Variants in TBC1D1 observed in about 807,000 individuals in gnomAD.
TBC1D1 encodes TBC1 domain family member 1.
Under a neutral mutation model 125.6 loss-of-function variants are expected in TBC1D1, and 89 were observed. The observed-to-expected ratio is 0.71, with a 90% CI of 0.60 to 0.85. The LOEUF is 0.85. Among genes scored for constraint, TBC1D1 ranks in the 40% least tolerant of loss-of-function variants. The pLI, the probability that TBC1D1 is intolerant of heterozygous loss-of-function variation, is 0.00. For synonymous variants in TBC1D1, 565 were observed against 564.1 expected, an observed-to-expected ratio of 1.00 and a Z score of -0.02; for missense variants, 1,377 against 1,469.2, an observed-to-expected ratio of 0.94 and a Z score of 1.03.
intron 2 of TBC1D1, among the ~76,000 whole-genome samples, chr4:37,983,202 A>C (rs1578147190): frequency 8.1e-6 from 1 of 123,184 alleles, no homozygotes; most frequent in African/African-American, 3.2e-5. Context: ...GGCTCCCTCC[A>C]CCTCCCAGGT....
intron 13 of TBC1D1, among the ~76,000 whole-genome samples, chr4:38,093,281 G>A (rs1758732993): frequency 6.6e-6 from 1 of 152,098 alleles, no homozygotes; most frequent in Non-Finnish European, 1.5e-5. Context: ...TTATGGTTAA[G>A]CCTGTTTCCT....
chr4:37,945,314 G>A (rs1482354322), intron 2 of TBC1D1, among the ~76,000 whole-genome samples: 1 of 151,632 alleles, frequency 6.6e-6, no homozygotes, highest in Non-Finnish European at 1.5e-5. Flanking sequence ...AGGAGTTTGA[G>A]ACCAGCCTGG....
At chr4:37,964,931 A>G (rs1023302368) in intron 2 of TBC1D1, among the ~76,000 whole-genome samples, 5 of 152,250 alleles carry the variant, frequency 3.3e-5, no homozygotes, top group Non-Finnish European at 7.3e-5. Flanking sequence ...GTGTCTGTCT[A>G]GAGAACCTCT....
intron 2 of TBC1D1, among the ~76,000 whole-genome samples, chr4:37,927,706 C>T (rs766403825): frequency 1.2e-4 from 19 of 152,108 alleles, no homozygotes; most frequent in Non-Finnish European, 2.2e-4. Flanking sequence ...AAGTACAAAT[C>T]CTTATGCTTT....
At chr4:38,050,707 G>A (rs897467916) in intron 11 of TBC1D1, among the ~76,000 whole-genome samples, 7 of 152,316 alleles carry the variant, frequency 4.6e-5, no homozygotes, top group East Asian at 1.9e-4. Flanking sequence ...ACCAGCAGCC[G>A]CAGAAGTCCC....
chr4:38,080,214 G>A (rs1756315029), intron 12 of TBC1D1, among the ~76,000 whole-genome samples: 1 of 152,236 alleles, frequency 6.6e-6, no homozygotes, highest in African/African-American at 2.4e-5. Context: ...CCCACAGTGA[G>A]GTCCAAGCTG....
Position 38,035,579 on chromosome 4 carries a change from G to A in TBC1D1, c.1303-9G>A. The A allele has an allele frequency of 6.2e-7, 1 of 1,605,948 alleles. No individual in the cohort carries two copies. Among genetic ancestry groups the A allele is most frequent in the South Asian group, 1.1e-5 (1 of 89,946 alleles). Reference sequence around the variant, plus strand: ...AAAATAAATCCTGTTTCTGATTTTTGTTTTAAAGAAATTGAGACCGAGAAA... The same window carrying A: ...AAAATAAATCCTGTTTCTGATTTTTATTTTAAAGAAATTGAGACCGAGAAA... On this transcript the variant is annotated splice_polypyrimidine_tract_variant and intron_variant, in intron 7 of 19. Transcript: ENST00000261439.
At chr4:38,051,788 A>G in intron 11 of TBC1D1, 111 bp from the exon 12 acceptor site, 3 of 1,022,286 alleles carry the variant, frequency 2.9e-6, no homozygotes, top group Non-Finnish European at 4.3e-6. Context: ...TGATAGTGTT[A>G]CTGGAACAAC....
chr4:38,130,218 T>C (rs1013614874), intron 18 of TBC1D1, among the ~76,000 whole-genome samples: 7 of 152,196 alleles, frequency 4.6e-5, no homozygotes, highest in African/African-American at 1.7e-4. Flanking sequence ...TTTGATACAA[T>C]GTTAAGTAAA....
intron 2 of TBC1D1, among the ~76,000 whole-genome samples, chr4:37,951,181 A>C: frequency 6.6e-6 from 1 of 152,218 alleles, no homozygotes; most frequent in East Asian, 1.9e-4. Flanking sequence ...TGTTCAAAAA[A>C]CACAAAGAAT....
chr4:38,000,959 G>T (rs1374023303), intron 2 of TBC1D1, among the ~76,000 whole-genome samples: 3 of 152,104 alleles, frequency 2.0e-5, no homozygotes, highest in Non-Finnish European at 4.4e-5. Context: ...GGTGGCTCAC[G>T]CCTGTAATCC....
intron 2 of TBC1D1, among the ~76,000 whole-genome samples, chr4:37,963,861 T>A (rs1730538576): frequency 6.6e-6 from 1 of 152,242 alleles, no homozygotes; most frequent in Non-Finnish European, 1.5e-5. Flanking sequence ...ATGATATCCC[T>A]GCTCTTTTTC....
intron 2 of TBC1D1, among the ~76,000 whole-genome samples, chr4:37,949,505 G>A (rs924155289): frequency 7.9e-5 from 12 of 152,184 alleles, no homozygotes; most frequent in African/African-American, 2.4e-4. Flanking sequence ...CCACAGGTGC[G>A]TACTGGCAGC....
chr4:38,004,111 T>C (rs771336519), intron 2 of TBC1D1, among the ~76,000 whole-genome samples: 5 of 152,244 alleles, frequency 3.3e-5, no homozygotes, highest in South Asian at 2.1e-4. Context: ...CATTCCAAGC[T>C]ACAGAGTTCC....
Position 38,027,862 on chromosome 4 carries a change from A to G in TBC1D1, c.1285A>G (p.Ile429Val), listed in dbSNP as rs372410857. 6.3e-5 allele frequency: 101 copies of G among 1,612,950 alleles called. 1 individual carries two copies. Among genetic ancestry groups the G allele is most frequent in the Middle Eastern group, 3.3e-4 (2 of 6,054 alleles). The change falls in exon 7 of 20, where the codon ATT (isoleucine) becomes GTT (valine). Residue 429 changes from isoleucine to valine, a missense_variant. By Grantham distance (29) the Ile-to-Val change is conservative. Transcript: ENST00000261439. ...ATTAACCAATCAGGAGCAGGCGACT[A>G]TTTTTGAAGAGGTTCAGGTACAGTA...
intron 2 of TBC1D1, among the ~76,000 whole-genome samples, chr4:37,926,287 G>T (rs193140340): frequency 6.7e-6 from 1 of 150,204 alleles, no homozygotes; most frequent in African/African-American, 2.4e-5. Flanking sequence ...TCTGCCTGCC[G>T]TCACTTTAGG....
chr4:37,961,477 A>G (rs1057120356), intron 2 of TBC1D1, among the ~76,000 whole-genome samples: 1 of 152,240 alleles, frequency 6.6e-6, no homozygotes, highest in Non-Finnish European at 1.5e-5. Flanking sequence ...CTATATGGCT[A>G]AATAATGTTC....
At chr4:37,918,163 T>C (rs190472293) in intron 2 of TBC1D1, among the ~76,000 whole-genome samples, 21 of 152,374 alleles carry the variant, frequency 1.4e-4, no homozygotes, top group Non-Finnish European at 2.8e-4. Context: ...CAAAGCTTGA[T>C]TTATAACACT....
At chr4:38,114,739 C>T (rs1201629963) in intron 15 of TBC1D1, among the ~76,000 whole-genome samples, 5 of 151,738 alleles carry the variant, frequency 3.3e-5, no homozygotes, top group Non-Finnish European at 7.4e-5. Flanking sequence ...ATTTGAATAA[C>T]AGTTTTTTGT....
Sources: gnomAD v4.1 joint callset for allele counts (sites outside exome capture counted in the v4.1 genomes callset) on GRCh38, gnomAD v4.1.1 for gene constraint, MANE v1.5 for transcripts, NCBI Gene and HGNC (gene_info 2026-07-23, HGNC 2026-07-21) for gene names.